MED27: variants seen among roughly 807,000 people sequenced by gnomAD.
MED27 encodes mediator of RNA polymerase II transcription subunit 27.
In MED27, 30 loss-of-function variants were observed where a neutral mutation model predicts 38.2. The observed-to-expected ratio is 0.79, with a 90% confidence interval of 0.59 to 1.07. MED27 has a LOEUF of 1.07. MED27 is among the 50% of genes least tolerant of loss of function. The probability of loss-of-function intolerance (pLI) is 0.00; values close to 1 mark genes in which losing one functional copy is unlikely to be tolerated. For missense variants in MED27, 289 were observed against 397.5 expected (o/e 0.73, Z 2.32); for synonymous variants, 122 against 153.5 (o/e 0.79, Z 1.52).
intron 2 of MED27, among the ~76,000 whole-genome samples, chr9:132,035,752 C>G (rs552502940): frequency 6.6e-6 from 1 of 152,220 alleles, no homozygotes; most frequent in African/African-American, 2.4e-5. Flanking sequence ...TGCTTGAGCC[C>G]AAGGGTTCAA....
At chr9:131,958,456 C>T (rs915501484) in intron 3 of MED27, among the ~76,000 whole-genome samples, 1 of 152,176 alleles carries the variant, frequency 6.6e-6, no homozygotes, top group Admixed American at 6.5e-5. Flanking sequence ...CTATGTTGGT[C>T]AGGCTGGTCT....
At chr9:132,032,605 A>G (rs911315068) in intron 2 of MED27, among the ~76,000 whole-genome samples, 4 of 152,264 alleles carry the variant, frequency 2.6e-5, no homozygotes, top group Non-Finnish European at 5.9e-5. Context: ...CTAAGCAAAT[A>G]GGATTGTAAC....
In MED27 at chr9:131,877,008, G is replaced by C. The variant is rs958666598; in HGVS notation, c.723+7050C>G. On this transcript the variant is annotated intron_variant, in intron 6 of 7. Transcript: ENST00000292035. ...AAAGTTAATCACCATTTAAGAGGCG[G>C]GGAGATGGTCAGAGGGCTGAGATCT... 2.6e-5 allele frequency among the ~76,000 whole-genome samples: 4 copies of C among 152,184 alleles called. No individual in the cohort carries two copies. The South Asian group carries it at 8.3e-4, about 32-fold the overall frequency.
chr9:131,864,930 T>C (rs1838711787), intron 6 of MED27, among the ~76,000 whole-genome samples: 1 of 152,246 alleles, frequency 6.6e-6, no homozygotes. Context: ...GCCTGCCCAG[T>C]CTCCTCTTCT....
At chr9:131,900,176 T>C (rs1035619327) in intron 4 of MED27, among the ~76,000 whole-genome samples, 2 of 152,316 alleles carry the variant, frequency 1.3e-5, no homozygotes, top group East Asian at 1.9e-4. Context: ...CCGCCTCCCA[T>C]CTGGCCATCG....
At chr9:131,957,844 C>A (rs1831135587) in intron 3 of MED27, among the ~76,000 whole-genome samples, 1 of 148,274 alleles carries the variant, frequency 6.7e-6, no homozygotes, top group Admixed American at 6.7e-5. Flanking sequence ...TTTAGGAGGT[C>A]AAGGTGGGAG....
chr9:131,956,837 A>C (rs547735258), intron 3 of MED27, among the ~76,000 whole-genome samples: 33 of 152,260 alleles, frequency 2.2e-4, no homozygotes, highest in African/African-American at 5.1e-4. Context: ...AAAAAAAAAA[A>C]ACACATACAC....
At chr9:132,070,076 G>A (rs1204907870) in intron 2 of MED27, among the ~76,000 whole-genome samples, 1 of 152,222 alleles carries the variant, frequency 6.6e-6, no homozygotes, top group Admixed American at 6.5e-5. Context: ...ATTGAACAGA[G>A]GAGGAGGCTG....
intron 3 of MED27, among the ~76,000 whole-genome samples, chr9:131,993,919 G>A (rs7025639): frequency 0.014 from 2,166 of 152,226 alleles, 55 homozygotes; most frequent in African/African-American, 0.049. Context: ...GTGTGTGAGT[G>A]TGCCCTGTGA....
intron 5 of MED27, 116 bp from the exon 6 acceptor site, chr9:131,884,215 GAAT>G: frequency 1.5e-6 from 1 of 680,578 alleles, no homozygotes; most frequent in Non-Finnish European, 2.3e-6. Flanking sequence ...TCTGATTATA[GAAT>G]AATAGGATCT....
rs1831754877 is a variant in MED27, at chr9:131,982,380, C to T, written c.479+31957G>A. Among the ~76,000 whole-genome samples the T allele has an allele frequency of 2.0e-5, 3 of 152,202 alleles. No individual in the cohort carries two copies. Among genetic ancestry groups the T allele is most frequent in the Admixed American group, 2.0e-4 (3 of 15,286 alleles). Reference sequence around the variant, plus strand: ...AATCAGCTCCCAACCAACCACACAACTGAATACAACTCCCTGAATGATCAC... The same window carrying T: ...AATCAGCTCCCAACCAACCACACAATTGAATACAACTCCCTGAATGATCAC... On this transcript the variant is annotated intron_variant, in intron 3 of 7. Coordinates refer to ENST00000292035, the MANE Select transcript of MED27 (RefSeq NM_004269.4). This position sits in a 1 kb window ranked among gnomAD's most constrained non-coding sequence, Gnocchi z 4.3.
In MED27 at chr9:131,883,809, A is replaced by C. The variant is rs1201093435; in HGVS notation, c.723+249T>G. ...AGATAAAGAATATTCCCACCACCCC[A>C]CACTCCCTTGTGCCCCTTTGGGGCC... On this transcript the variant is annotated intron_variant, in intron 6 of 7. Coordinates refer to ENST00000292035, the MANE Select transcript of MED27 (RefSeq NM_004269.4). The surrounding 1 kb of genome is among the most constrained non-coding windows in gnomAD (Gnocchi z 4.2). Among the ~76,000 whole-genome samples, 1 of 152,012 alleles carries C rather than the reference A, an allele frequency of 6.6e-6. No individual in the cohort carries two copies. The highest frequency in any genetic ancestry group is 1.5e-5 in the Non-Finnish European group (1 of 68,006).
rs1231714947 is a variant in MED27 at position 131,883,585 on chromosome 9, C to T, written c.723+473G>A. ...GCCAGCCTGCTTCCCTTGGCCCATC[C>T]CTTGGGCACCAGTGGAGACCGCTAG... On this transcript the variant is annotated intron_variant, in intron 6 of 7. Transcript: ENST00000292035. The surrounding 1 kb of genome is among the most constrained non-coding windows in gnomAD (Gnocchi z 4.2). Among the ~76,000 whole-genome samples, 13 of 152,128 alleles carry T rather than the reference C, an allele frequency of 8.5e-5. No individual in the cohort carries two copies. The highest frequency in any genetic ancestry group is 8.5e-4 in the Admixed American group (13 of 15,270).
At chr9:131,865,019 A>G (rs1190871931) in intron 6 of MED27, among the ~76,000 whole-genome samples, 1 of 152,226 alleles carries the variant, frequency 6.6e-6, no homozygotes, top group Non-Finnish European at 1.5e-5. Flanking sequence ...CCAAGGCCTT[A>G]GGATATTACC....
intron 3 of MED27, among the ~76,000 whole-genome samples, chr9:131,948,314 A>T (rs1830922725): frequency 6.6e-6 from 1 of 151,926 alleles, no homozygotes; most frequent in South Asian, 2.1e-4. Context: ...GTGAGACCCC[A>T]TCTCTACTAA....
chr9:131,908,524 C>T (rs2131532402), intron 4 of MED27, among the ~76,000 whole-genome samples: 1 of 152,308 alleles, frequency 6.6e-6, no homozygotes, highest in East Asian at 1.9e-4. Flanking sequence ...TCATTTTGTT[C>T]TGTACTAAGA....
chr9:131,860,328 A>G lies in MED27; in HGVS notation c.*210T>C. On this transcript the variant is annotated 3_prime_UTR_variant, in exon 8 of 8. Transcript: ENST00000292035. This position sits in a 1 kb window ranked among gnomAD's most constrained non-coding sequence, Gnocchi z 5.8. ...TTCTAGAAAGGTCTTCTTTGCCTTCAGTCCGCTGGCTAGTGGGAATAATTA... is the reference window on the plus strand; with the variant it reads ...TTCTAGAAAGGTCTTCTTTGCCTTCGGTCCGCTGGCTAGTGGGAATAATTA... 1 of 511,052 alleles carries G rather than the reference A, an allele frequency of 2.0e-6. No individual in the cohort carries two copies. Among genetic ancestry groups the G allele is most frequent in the Non-Finnish European group, 3.3e-6 (1 of 307,348 alleles). 31.7% of individuals were successfully genotyped at this position (511,052 alleles called of 1,614,324 possible). A position where few individuals can be genotyped will look rare whatever the true frequency, so the allele number is the denominator to read the frequency against.
At chr9:131,897,656 G>A (rs1414416241) in intron 4 of MED27, among the ~76,000 whole-genome samples, 2 of 152,202 alleles carry the variant, frequency 1.3e-5, no homozygotes, top group Admixed American at 6.5e-5. Context: ...TGGAGGTGGA[G>A]GTGACAAGAT....
At chr9:131,991,705 A>C (rs1831978696) in intron 3 of MED27, among the ~76,000 whole-genome samples, 1 of 152,142 alleles carries the variant, frequency 6.6e-6, no homozygotes, top group Non-Finnish European at 1.5e-5. Flanking sequence ...GGAGATATCA[A>C]TCATTTATTT....
Sources: allele counts gnomAD v4.1 joint callset (sites outside exome capture counted in the v4.1 genomes callset), GRCh38; gene constraint gnomAD v4.1.1; non-coding constraint Gnocchi (gnomAD v3.1); transcripts MANE v1.5; gene names NCBI Gene and HGNC (gene_info 2026-07-23, HGNC 2026-07-21).